The following RNF144A variants were observed in gnomAD, a reference collection of about 807,000 sequenced individuals.
RNF144A encodes E3 ubiquitin-protein ligase RNF144A.
A neutral mutation model predicts 38.7 loss-of-function variants in RNF144A; 11 were observed. That is an observed-to-expected ratio of 0.28 (90% confidence interval 0.18 to 0.47). RNF144A has a LOEUF of 0.47. Ranked by LOEUF, RNF144A falls within the 20% of genes least tolerant of loss-of-function variation. The pLI is 0.99. For synonymous variants in RNF144A, 149 were observed against 143.9 expected, an observed-to-expected ratio of 1.04 and a Z score of -0.25; for missense variants, 316 against 377.2, an observed-to-expected ratio of 0.84 and a Z score of 1.34.
At chr2:6,936,266 T>A (rs771301) in intron 1 of RNF144A, among the ~76,000 whole-genome samples, 27,267 of 152,224 alleles carry the variant, frequency 0.18, 2,961 homozygotes, top group Non-Finnish European at 0.24. Flanking sequence ...GGTTGTATTT[T>A]ATTGTAGCTC....
chr2:6,964,878 T>C (rs1348304805), intron 2 of RNF144A, among the ~76,000 whole-genome samples: 3 of 151,320 alleles, frequency 2.0e-5, no homozygotes, highest in Non-Finnish European at 1.5e-5. Context: ...AAATGACGAG[T>C]TAATGGGTGC....
intron 1 of RNF144A, among the ~76,000 whole-genome samples, chr2:6,939,268 T>C (rs1665811917): frequency 2.0e-5 from 3 of 152,230 alleles, no homozygotes; most frequent in Non-Finnish European, 4.4e-5. Flanking sequence ...CCTTCGATTC[T>C]AGCCATCCTA....
intron 8 of RNF144A, among the ~76,000 whole-genome samples, chr2:7,032,379 G>GCGCCCCTTGCAGCTCTGCTCGAATCCA: frequency 6.6e-6 from 1 of 152,248 alleles, no homozygotes; most frequent in South Asian, 2.1e-4. Context: ...GCTCGAATCC[G>GCGCCCCTTGCAGCTCTGCTCGAATCCA]CGCCCCTTGC....
intron 1 of RNF144A, among the ~76,000 whole-genome samples, chr2:6,936,157 T>G (rs1665561108): frequency 6.6e-6 from 1 of 152,238 alleles, no homozygotes; most frequent in Admixed American, 6.5e-5. Context: ...CCGTACATTC[T>G]CATGTCCTGC....
At chr2:6,990,470 TATA>T (rs1169536719) in intron 2 of RNF144A, among the ~76,000 whole-genome samples, 1 of 68,730 alleles carries the variant, frequency 1.5e-5, no homozygotes, top group African/African-American at 6.2e-5. Flanking sequence ...TAATATAACA[TATA>T]ATATATATAG....
chr2:6,989,596 AT>A (rs781002771), intron 2 of RNF144A, among the ~76,000 whole-genome samples: 1 of 151,712 alleles, frequency 6.6e-6, no homozygotes, highest in Non-Finnish European at 1.5e-5. Context: ...CTCCTCAATG[AT>A]TTTTTTTTAA....
downstream of RNF144A, among the ~76,000 whole-genome samples, chr2:7,046,410 C>T (rs1398507060): frequency 6.6e-6 from 1 of 152,226 alleles, no homozygotes; most frequent in African/African-American, 2.4e-5. Context: ...GCTGGAGCCA[C>T]ATCGCAGGAG....
downstream of RNF144A, among the ~76,000 whole-genome samples, chr2:7,045,384 G>T (rs61743504): frequency 0.015 from 2,324 of 152,290 alleles, 57 homozygotes; most frequent in African/African-American, 0.053. Flanking sequence ...GAAGGTTCAG[G>T]TATCTGCAGG....
chr2:7,001,443 G>A (rs1420604882), intron 3 of RNF144A, among the ~76,000 whole-genome samples: 4 of 152,178 alleles, frequency 2.6e-5, no homozygotes, highest in African/African-American at 9.7e-5. Flanking sequence ...TTGGGAGGCC[G>A]AGGTGGGAGG....
chr2:6,964,219 A>G (rs540765726), intron 2 of RNF144A, among the ~76,000 whole-genome samples: 1 of 152,362 alleles, frequency 6.6e-6, no homozygotes, highest in African/African-American at 2.4e-5. Flanking sequence ...ACATGAAAAA[A>G]TACTCATCAT....
intron 2 of RNF144A, among the ~76,000 whole-genome samples, chr2:6,973,042 C>G (rs558209846): frequency 6.6e-6 from 1 of 152,278 alleles, no homozygotes; most frequent in African/African-American, 2.4e-5. Flanking sequence ...ACTTTAAAGC[C>G]TCTATTTTCT....
chr2:6,930,549 C>T (rs1316665668), intron 1 of RNF144A, among the ~76,000 whole-genome samples: 1 of 151,858 alleles, frequency 6.6e-6, no homozygotes, highest in African/African-American at 2.4e-5. Flanking sequence ...TATAGATACA[C>T]ACACTTTATC....
At chr2:6,930,227 T>C (rs1335736763) in intron 1 of RNF144A, among the ~76,000 whole-genome samples, 10 of 152,196 alleles carry the variant, frequency 6.6e-5, no homozygotes, top group African/African-American at 2.4e-4. Flanking sequence ...TTTTTGGAGA[T>C]AGTGGGCATG....
chr2:6,989,864 C>T (rs1476961369), intron 2 of RNF144A, among the ~76,000 whole-genome samples: 2 of 151,922 alleles, frequency 1.3e-5, no homozygotes, highest in African/African-American at 2.4e-5. Context: ...CAGTAGATAC[C>T]CTTTTCTTAA....
chr2:7,058,794 C>T (rs774641023), intron 6 of RNF144A, among the ~76,000 whole-genome samples: 4 of 152,222 alleles, frequency 2.6e-5, no homozygotes, highest in East Asian at 3.9e-4. Context: ...TAGGTTTCTT[C>T]TCCTATTTTT....
At chr2:7,035,928 C>T (rs1032539787) in intron 8 of RNF144A, among the ~76,000 whole-genome samples, 1 of 152,202 alleles carries the variant, frequency 6.6e-6, no homozygotes, top group Non-Finnish European at 1.5e-5. Context: ...GCAAGTGATA[C>T]ATTTTTTATT....
At chr2:7,048,599 G>A (rs1490482824), downstream of RNF144A, among the ~76,000 whole-genome samples, 2 of 152,156 alleles carry the variant, frequency 1.3e-5, no homozygotes, top group East Asian at 1.9e-4. Flanking sequence ...CTGCAGAAAG[G>A]GTGTTAGGGA....
intron 2 of RNF144A, among the ~76,000 whole-genome samples, chr2:6,977,339 T>G (rs767511935): frequency 1.2e-4 from 18 of 152,220 alleles, no homozygotes; most frequent in Non-Finnish European, 2.1e-4. Flanking sequence ...AAGTTGCGTA[T>G]GCCTTTTGAG....
At chr2:7,057,638 G>T (rs1673790151) in intron 6 of RNF144A, among the ~76,000 whole-genome samples, 1 of 152,178 alleles carries the variant, frequency 6.6e-6, no homozygotes, top group Admixed American at 6.5e-5. Flanking sequence ...CACCTTTCAT[G>T]CAGGAGAGAG....
Sources: allele counts gnomAD v4.1 joint callset (sites outside exome capture counted in the v4.1 genomes callset), GRCh38; gene constraint gnomAD v4.1.1; transcripts MANE v1.5; gene names NCBI Gene and HGNC (gene_info 2026-07-23, HGNC 2026-07-21).